The following ZNF544 variants were observed in gnomAD, a reference collection of about 807,000 sequenced individuals.
The protein encoded by ZNF544 is zinc finger protein AF020591.
ZNF544 carries 10 observed loss-of-function variants against 13.5 expected under a neutral mutation model. The observed-to-expected ratio is 0.74, with a 90% confidence interval of 0.46 to 1.25. The LOEUF is 1.25. Among genes scored for constraint, ZNF544 ranks in the 50% most tolerant of loss-of-function variants. ZNF544 has a pLI of 0.00. For synonymous variants in ZNF544, 323 were observed against 300.5 expected (o/e 1.07, Z -0.77); for missense variants, 896 against 845.6 (o/e 1.06, Z -0.74).
chr19:58,257,408 C>G (rs2047728251), intron 6 of ZNF544: 1 of 152,200 alleles, frequency 6.6e-6, no homozygotes, highest in Non-Finnish European at 1.5e-5. Context: ...CCATTGGTCA[C>G]TTGGTTTACA....
chr19:58,252,922 C>A (rs1028010839), intron 6 of ZNF544, among the ~76,000 whole-genome samples: 6 of 152,164 alleles, frequency 3.9e-5, no homozygotes, highest in Non-Finnish European at 8.8e-5. Flanking sequence ...CTGGTTCAAG[C>A]AATTCTCCAG....
intron 6 of ZNF544, among the ~76,000 whole-genome samples, chr19:58,248,134 G>C (rs1026158084): frequency 2.6e-5 from 4 of 151,646 alleles, no homozygotes; most frequent in African/African-American, 9.7e-5. Context: ...GGATGGTCTC[G>C]ATCTCCTGAC....
intron 6 of ZNF544, 29 bp from the exon 7 acceptor site, chr19:58,260,822 G>T (rs968658347): frequency 2.0e-6 from 3 of 1,521,062 alleles, no homozygotes; most frequent in South Asian, 1.3e-5. Context: ...TGCTTCTCCA[G>T]TAACTTAGGC....
chr19:58,274,718 T>C (rs431093), intron 5 of ZNF544, among the ~76,000 whole-genome samples: 49,226 of 152,018 alleles, frequency 0.32, 9,224 homozygotes, highest in Middle Eastern at 0.46. Flanking sequence ...AAGAGTGGCA[T>C]TGTATTATAT....
At chr19:58,269,500 A>T (rs1168986879) in intron 5 of ZNF544, among the ~76,000 whole-genome samples, 1 of 149,216 alleles carries the variant, frequency 6.7e-6, no homozygotes, top group Non-Finnish European at 1.5e-5. Context: ...AATCCCAGCT[A>T]CTTGGGAGGC....
chr19:58,264,585 G>A (rs1170258329), downstream of ZNF544, among the ~76,000 whole-genome samples: 1 of 152,064 alleles, frequency 6.6e-6, no homozygotes, highest in Non-Finnish European at 1.5e-5. Context: ...CAGCTACTTG[G>A]GAGGCTGAGG....
intron 6 of ZNF544, among the ~76,000 whole-genome samples, chr19:58,255,037 G>A (rs771531645): frequency 4.8e-5 from 7 of 144,428 alleles, no homozygotes; most frequent in East Asian, 2.1e-4. Flanking sequence ...ACAGGCGCCC[G>A]CCACCACGCA....
At chr19:58,260,459 T>C (rs1424299993) in intron 6 of ZNF544, 1 of 154,268 alleles carries the variant, frequency 6.5e-6, no homozygotes, top group Admixed American at 6.5e-5. Context: ...TTTTTATTTT[T>C]ATTAGAGATG....
chr19:58,277,333 G>A, exon 7 of ZNF544: 1 of 1,113,832 alleles, frequency 9.0e-7, no homozygotes, highest in Non-Finnish European at 1.1e-6. Context: ...GTCCCCACTG[G>A]TAACGTCTTC....
chr19:58,255,253 G>A (rs2147386098), intron 6 of ZNF544, among the ~76,000 whole-genome samples: 1 of 151,764 alleles, frequency 6.6e-6, no homozygotes, highest in South Asian at 2.1e-4. Context: ...TCGGGTCACT[G>A]CAACCTCCGC....
At chr19:58,272,669 G>A (rs1266771482) in intron 5 of ZNF544, among the ~76,000 whole-genome samples, 1 of 151,956 alleles carries the variant, frequency 6.6e-6, no homozygotes, top group East Asian at 1.9e-4. Context: ...AGAATCATGA[G>A]GTCAGGAGTT....
At chr19:58,229,052 G>C (rs2040542536) in intron 1 of ZNF544, 106 bp downstream of exon 1, 1 of 152,516 alleles carries the variant, frequency 6.6e-6, no homozygotes, top group Non-Finnish European at 1.5e-5. Flanking sequence ...GGGCGTGCCG[G>C]AGAAACGAGC....
Position 58,261,385 on chromosome 19 carries a change from A to G in ZNF544, c.779A>G (p.His260Arg), listed in dbSNP as rs755474993. Residue 260 changes from histidine to arginine, a missense_variant, in exon 7 of 7, where the codon CAT (histidine) becomes CGT (arginine). His to Arg is a conservative substitution (Grantham distance 29, BLOSUM62 0). Coordinates refer to ENST00000687789, the MANE Select transcript of ZNF544 (RefSeq NM_014480.4). ...SLNYGSSLCFHGRTFSVKKSD... is the reference protein window; with the variant it reads ...SLNYGSSLCFRGRTFSVKKSD... ...AACTATGGTTCCTCCCTTTGTTTTC[A>G]TGGTAGAACTTTTTCAGTGAAGAAA... 6.2e-7 allele frequency: 1 copy of G among 1,614,122 alleles called. No individual in the cohort carries two copies. Among genetic ancestry groups the G allele is most frequent in the African/African-American group, 1.3e-5 (1 of 75,040 alleles).
At chr19:58,252,791 C>T (rs1429218006) in intron 6 of ZNF544, among the ~76,000 whole-genome samples, 1 of 152,158 alleles carries the variant, frequency 6.6e-6, no homozygotes, top group Non-Finnish European at 1.5e-5. Flanking sequence ...ACATATTTCC[C>T]CGTATCATAA....
chr19:58,251,764 C>T (rs1442407061), intron 6 of ZNF544, among the ~76,000 whole-genome samples: 3 of 152,118 alleles, frequency 2.0e-5, no homozygotes, highest in Non-Finnish European at 4.4e-5. Context: ...CTTAAGAGGG[C>T]TATGGGCAGT....
At chr19:58,258,570 CTGGGTGTGAGGGTGCTGG>C (rs2048188902) in intron 6 of ZNF544, 1 of 47,066 alleles carries the variant, frequency 2.1e-5, no homozygotes, top group Non-Finnish European at 4.8e-5. Flanking sequence ...TGTGAGGGTG[CTGGGTGTGAGGGTGCTGG>C]GTGTGAGGGC....
chr19:58,241,332 G>A (rs1222635661), intron 3 of ZNF544, among the ~76,000 whole-genome samples: 1 of 150,232 alleles, frequency 6.7e-6, no homozygotes, highest in African/African-American at 2.5e-5. Flanking sequence ...TTTTGAGTAA[G>A]TTTAATGTTG....
intron 5 of ZNF544, among the ~76,000 whole-genome samples, chr19:58,272,037 C>G (rs1363556439): frequency 6.6e-6 from 1 of 151,966 alleles, no homozygotes; most frequent in South Asian, 2.1e-4. Flanking sequence ...TGGTGGGTGC[C>G]TGTAATGCCA....
downstream of ZNF544, among the ~76,000 whole-genome samples, chr19:58,265,578 A>G (rs1038265304): frequency 2.0e-5 from 3 of 151,650 alleles, no homozygotes; most frequent in Admixed American, 1.3e-4. Flanking sequence ...TACAGGCATG[A>G]GCCGCCACAC....
Sources: gnomAD v4.1 joint callset for allele counts (sites outside exome capture counted in the v4.1 genomes callset) on GRCh38, gnomAD v4.1.1 for gene constraint, MANE v1.5 for transcripts, NCBI Gene and HGNC (gene_info 2026-07-23, HGNC 2026-07-21) for gene names.